Variants in DDAH1 observed in about 807,000 individuals in gnomAD.
DDAH1 encodes N(G),N(G)-dimethylarginine dimethylaminohydrolase 1.
DDAH1 carries 19 observed loss-of-function variants against 28.8 expected under a neutral mutation model. The observed-to-expected ratio is 0.66, with a 90% CI of 0.46 to 0.97. The LOEUF (loss-of-function observed/expected upper bound fraction) is 0.97, where lower values mean the gene tolerates loss of function less well. DDAH1 is among the 50% of genes least tolerant of loss of function. The pLI is 0.00. For missense variants in DDAH1, 326 were observed against 375.9 expected (o/e 0.87, Z 1.10); for synonymous variants, 153 against 154.4 (o/e 0.99, Z 0.07).
chr1:85,572,397 G>C (rs764043964), intron 1 of DDAH1, among the ~76,000 whole-genome samples: 3 of 152,074 alleles, frequency 2.0e-5, no homozygotes, highest in Non-Finnish European at 4.4e-5. Context: ...TTTCATGAAG[G>C]ACAAATACCA....
intron 4 of DDAH1, among the ~76,000 whole-genome samples, chr1:85,332,805 T>C (rs1004188599): frequency 6.6e-6 from 1 of 151,980 alleles, no homozygotes; most frequent in Admixed American, 6.5e-5. Flanking sequence ...TGGGCAATAC[T>C]CCTGGAACTT....
chr1:85,420,588 C>A (rs1653095007), intron 1 of DDAH1, among the ~76,000 whole-genome samples: 1 of 152,170 alleles, frequency 6.6e-6, no homozygotes. Context: ...CAAAAGTGAC[C>A]TTTACTCCAG....
rs1207370281 is a variant in DDAH1, at chr1:85,390,403, GAT to G, written c.304-31558_304-31557del. 2.0e-5 allele frequency among the ~76,000 whole-genome samples: 3 copies of G among 152,168 alleles called. No individual in the cohort carries two copies. In the East Asian group the frequency reaches 5.8e-4, roughly 29 times the overall value. On this transcript the variant is annotated intron_variant, in intron 1 of 5. Coordinates refer to ENST00000284031, the MANE Select transcript of DDAH1 (RefSeq NM_012137.4). ...CAAGACATTCTACAGCGTATGTGGG[GAT>G]TATAGGAACTACAAGATGAGATTTG...
At chr1:85,475,091 C>A (rs1401425561) in intron 2 of DDAH1, among the ~76,000 whole-genome samples, 1 of 152,182 alleles carries the variant, frequency 6.6e-6, no homozygotes. Flanking sequence ...GCTGAGGGAG[C>A]CCTTTGTTCA....
intron 1 of DDAH1, among the ~76,000 whole-genome samples, chr1:85,566,908 A>G (rs1570681322): frequency 6.6e-6 from 1 of 152,292 alleles, no homozygotes; most frequent in East Asian, 1.9e-4. Context: ...CTGGAGACCT[A>G]GGGGAGCTGA....
At chr1:85,446,880 C>G (rs1654452327) in intron 1 of DDAH1, among the ~76,000 whole-genome samples, 1 of 152,106 alleles carries the variant, frequency 6.6e-6, no homozygotes, top group Non-Finnish European at 1.5e-5. Flanking sequence ...ACTATTCCTG[C>G]AGCAACAGCA....
At chr1:85,376,405 T>A (rs1650667843) in intron 1 of DDAH1, among the ~76,000 whole-genome samples, 1 of 152,164 alleles carries the variant, frequency 6.6e-6, no homozygotes, top group African/African-American at 2.4e-5. Context: ...GAAACAGATG[T>A]CTTAACTTTA....
At chr1:85,539,763 C>T (rs1658413605) in intron 1 of DDAH1, among the ~76,000 whole-genome samples, 1 of 152,152 alleles carries the variant, frequency 6.6e-6, no homozygotes, top group Non-Finnish European at 1.5e-5. Flanking sequence ...TCGATCAATT[C>T]TTTACATTAC....
chr1:85,509,312 G>C (rs998547728), intron 1 of DDAH1, among the ~76,000 whole-genome samples: 1 of 152,178 alleles, frequency 6.6e-6, no homozygotes, highest in East Asian at 1.9e-4. Flanking sequence ...CAACAAAAAG[G>C]TCATCTACAT....
rs539679401 is a variant in DDAH1 at position 85,445,476 on chromosome 1, T to C, written c.303+19267A>G. 1.2e-4 allele frequency among the ~76,000 whole-genome samples: 18 copies of C among 152,332 alleles called. No individual in the cohort carries two copies. In the East Asian group the frequency reaches 3.3e-3, roughly 28 times the overall value. Reference sequence around the variant, plus strand: ...AAATGTGAATCTGCACGCCAGACTATATGGCATCAATTTAGGACAGACGGT... The same window carrying C: ...AAATGTGAATCTGCACGCCAGACTACATGGCATCAATTTAGGACAGACGGT... On this transcript the variant is annotated intron_variant, in intron 1 of 5. Transcript: ENST00000284031.
intron 1 of DDAH1, among the ~76,000 whole-genome samples, chr1:85,370,376 G>A (rs1038475820): frequency 1.3e-5 from 2 of 152,298 alleles, no homozygotes; most frequent in African/African-American, 4.8e-5. Flanking sequence ...AAACTAATAT[G>A]GCATTTTACC....
chr1:85,465,786 C>T (rs548105698), upstream of DDAH1, among the ~76,000 whole-genome samples: 3 of 152,282 alleles, frequency 2.0e-5, no homozygotes, highest in African/African-American at 7.2e-5. Flanking sequence ...AAACCCCCTC[C>T]AGTCCTGGAG....
chr1:85,331,464 T>C (rs556543039), intron 4 of DDAH1, among the ~76,000 whole-genome samples: 1 of 149,046 alleles, frequency 6.7e-6, no homozygotes, highest in East Asian at 2.0e-4. Context: ...TCTTAACATA[T>C]CAAAGCTAAA....
chr1:85,525,638 C>A (rs1408251798), intron 1 of DDAH1, among the ~76,000 whole-genome samples: 1 of 151,436 alleles, frequency 6.6e-6, no homozygotes, highest in South Asian at 2.1e-4. Flanking sequence ...GAGGCTCTTA[C>A]ATCTGCAAGA....
chr1:85,502,169 T>C (rs1034424128), intron 1 of DDAH1, among the ~76,000 whole-genome samples: 2 of 152,230 alleles, frequency 1.3e-5, no homozygotes, highest in Non-Finnish European at 2.9e-5. Flanking sequence ...GTCACTTCCA[T>C]ATTGTAAACT....
intron 1 of DDAH1, among the ~76,000 whole-genome samples, chr1:85,457,910 T>A (rs1557653724): frequency 6.6e-6 from 1 of 152,156 alleles, no homozygotes; most frequent in Non-Finnish European, 1.5e-5. Context: ...AGGCTGGTTT[T>A]GAACTCCTGA....
chr1:85,374,723 G>A (rs953423912), intron 1 of DDAH1, among the ~76,000 whole-genome samples: 13 of 151,640 alleles, frequency 8.6e-5, no homozygotes, highest in Non-Finnish European at 5.9e-5. Flanking sequence ...TGCTCATACT[G>A]TTATAAAATT....
intron 1 of DDAH1, among the ~76,000 whole-genome samples, chr1:85,516,803 A>C (rs1218827406): frequency 6.6e-6 from 1 of 151,796 alleles, no homozygotes; most frequent in Non-Finnish European, 1.5e-5. Flanking sequence ...CTAGGGCTCC[A>C]TCTCCTGACT....
chr1:85,496,335 C>G (rs1158777432), intron 1 of DDAH1: 1 of 337,262 alleles, frequency 3.0e-6, no homozygotes, highest in Admixed American at 6.5e-5. Context: ...TTTAATACCT[C>G]TAATATATTT....
Sources: allele counts gnomAD v4.1 joint callset (sites outside exome capture counted in the v4.1 genomes callset), GRCh38; gene constraint gnomAD v4.1.1; transcripts MANE v1.5; gene names NCBI Gene and HGNC (gene_info 2026-07-23, HGNC 2026-07-21).